RC3H1: variants seen among roughly 807,000 people sequenced by gnomAD.
RC3H1 encodes the protein roquin-1.
Under a neutral mutation model 138.2 loss-of-function variants are expected in RC3H1, and 50 were observed. The observed-to-expected ratio is 0.36, with a 90% confidence interval of 0.29 to 0.46. The LOEUF (loss-of-function observed/expected upper bound fraction) is 0.46. RC3H1 is among the 20% of genes least tolerant of loss of function. The pLI is 1.00. For synonymous variants in RC3H1, 462 were observed against 489.1 expected, an observed-to-expected ratio of 0.94 and a Z score of 0.73; for missense variants, 1,031 against 1,388.1, an observed-to-expected ratio of 0.74 and a Z score of 4.09.
intron 15 of RC3H1, 141 bp from the exon 16 acceptor site, chr1:173,946,977 AAC>A (rs1659164246): frequency 1.6e-6 from 1 of 639,026 alleles, no homozygotes; most frequent in African/African-American, 1.8e-5. Flanking sequence ...AAAATTCTTT[AAC>A]TTTGTTTTTC....
At chr1:173,966,510 G>C (rs1270676977) in intron 9 of RC3H1, among the ~76,000 whole-genome samples, 2 of 151,678 alleles carry the variant, frequency 1.3e-5, no homozygotes, top group Non-Finnish European at 1.5e-5. Flanking sequence ...GAGGTCAGGA[G>C]TCAAGACCAG....
In RC3H1 at chr1:173,964,164, A is replaced by T. The variant is rs1171866698; in HGVS notation, c.1640T>A (p.Ile547Asn). Residue 547 changes from isoleucine (I) to asparagine (N), a missense_variant, in exon 11 of 20, where the codon ATT (isoleucine) becomes AAT (asparagine). Ile to Asn is a moderately radical substitution (Grantham distance 149). Around this residue, in one of 7 missense-constraint regions of RC3H1, gnomAD observed 716 missense variants for 837.9 expected, o/e 0.85. Coordinates refer to ENST00000367696, the MANE Select transcript of RC3H1 (RefSeq NM_172071.4). ...PDLLESVPKS[I>N]SALPVNPHSI... ...ATGTGGATTCACAGGTAAGGCAGAA[A>T]TACTCTTAGGAACAGATTCTAGCCT... The T allele has an allele frequency of 6.2e-7, 1 of 1,613,876 alleles. No homozygotes were observed. The highest frequency in any genetic ancestry group is 8.5e-7 in the Non-Finnish European group (1 of 1,179,750).
chr1:173,971,880 G>T (rs188836001), intron 8 of RC3H1, among the ~76,000 whole-genome samples: 61 of 152,030 alleles, frequency 4.0e-4, no homozygotes, highest in African/African-American at 1.4e-3. Flanking sequence ...TACGTTCACA[G>T]GCTTACTACT....
In RC3H1 at chr1:173,993,129, A is replaced by C; in HGVS notation, c.-144T>G. On this transcript the variant is annotated 5_prime_UTR_variant, in exon 2 of 20. Coordinates refer to ENST00000367696, the MANE Select transcript of RC3H1 (RefSeq NM_172071.4). ...AGATACAGTCAGCACATAGTGTGAAATATAACCTGAAAATAAAGAAAAAGG... is the reference window on the plus strand; with the variant it reads ...AGATACAGTCAGCACATAGTGTGAACTATAACCTGAAAATAAAGAAAAAGG... The C allele has an allele frequency of 1.6e-6, 1 of 618,648 alleles. No individual in the cohort carries two copies. Among genetic ancestry groups the C allele is most frequent in the Non-Finnish European group, 2.8e-6 (1 of 353,518 alleles). 38.3% of individuals were successfully genotyped at this position (618,648 alleles called of 1,614,324 possible).
chr1:173,980,452 A>G (rs1234928663), intron 6 of RC3H1, among the ~76,000 whole-genome samples: 1 of 152,058 alleles, frequency 6.6e-6, no homozygotes, highest in Non-Finnish European at 1.5e-5. Flanking sequence ...GAATTATTTA[A>G]AACCACTAGA....
intron 13 of RC3H1, among the ~76,000 whole-genome samples, chr1:173,953,345 T>C (rs1659498736): frequency 6.6e-6 from 1 of 152,162 alleles, no homozygotes; most frequent in South Asian, 2.1e-4. Context: ...TGATCTCTGC[T>C]CACGCAACCT....
intron 13 of RC3H1, among the ~76,000 whole-genome samples, chr1:173,956,434 C>A (rs1159684329): frequency 6.6e-6 from 1 of 151,860 alleles, no homozygotes; most frequent in Admixed American, 6.6e-5. Context: ...CCAAGGCAGG[C>A]GGATCACCTG....
rs1225274383 is a variant in RC3H1 at position 173,935,279 on chromosome 1, C to G, written c.*3442G>C. 1 of 152,118 alleles carries G rather than the reference C, an allele frequency of 6.6e-6. No homozygotes were observed. Among genetic ancestry groups the G allele is most frequent in the Non-Finnish European group, 1.5e-5 (1 of 68,020 alleles). 9.4% of individuals were successfully genotyped at this position (152,118 alleles called of 1,614,324 possible). A position where few individuals can be genotyped will look rare whatever the true frequency, so the allele number is the denominator to read the frequency against. On this transcript the variant is annotated 3_prime_UTR_variant, in exon 20 of 20. Coordinates refer to ENST00000367696, the MANE Select transcript of RC3H1 (RefSeq NM_172071.4). ...GCTACATATAAACCAGAAATGGAAT[C>G]TAGATGTCTTATTCTCAGTTCTTCT...
chr1:173,939,947 GA>G (rs1658773421), intron 19 of RC3H1, among the ~76,000 whole-genome samples: 2 of 152,066 alleles, frequency 1.3e-5, no homozygotes, highest in Admixed American at 1.3e-4. Flanking sequence ...GGCAACTTAG[GA>G]CTATGCATTC....
intron 1 of RC3H1, among the ~76,000 whole-genome samples, chr1:174,020,971 T>C (rs1396322307): frequency 6.6e-6 from 1 of 152,200 alleles, no homozygotes; most frequent in Non-Finnish European, 1.5e-5. Context: ...ATTGTGCCAC[T>C]GCAATCCAGC....
At chr1:173,974,277 CAAAAAAAAAAA>C (rs571801899) in intron 7 of RC3H1, among the ~76,000 whole-genome samples, 7 of 47,206 alleles carry the variant, frequency 1.5e-4, no homozygotes, top group South Asian at 9.8e-4. Context: ...GAGACTGTCT[CAAAAAAAAAAA>C]AAAAAAAAAA....
intron 19 of RC3H1, among the ~76,000 whole-genome samples, chr1:173,940,586 C>T (rs999908408): frequency 3.3e-5 from 5 of 151,932 alleles, no homozygotes; most frequent in Admixed American, 6.6e-5. Flanking sequence ...TTTCCATTTC[C>T]TAAAGCTAAT....
intron 9 of RC3H1, among the ~76,000 whole-genome samples, chr1:173,966,171 C>T (rs1660107358): frequency 6.6e-6 from 1 of 151,998 alleles, no homozygotes; most frequent in Non-Finnish European, 1.5e-5. Flanking sequence ...AGGATAGTGA[C>T]TTTTATTAGA....
intron 19 of RC3H1, among the ~76,000 whole-genome samples, chr1:173,939,478 C>T (rs1340459881): frequency 1.4e-5 from 2 of 142,330 alleles, no homozygotes; most frequent in South Asian, 2.2e-4. Flanking sequence ...TTTCACTGAG[C>T]CAAGATCGCA....
chr1:173,932,648 A>T lies in RC3H1; in HGVS notation c.*6073T>A, dbSNP rs1242115416. 1 of 152,160 alleles carries T rather than the reference A, an allele frequency of 6.6e-6. No homozygotes were observed. The highest frequency in any genetic ancestry group is 1.5e-5 in the Non-Finnish European group (1 of 67,982). 9.4% of individuals were successfully genotyped at this position (152,160 alleles called of 1,614,324 possible). On this transcript the variant is annotated 3_prime_UTR_variant, in exon 20 of 20. Transcript: ENST00000367696. ...ATCTGGAAAAAATAACTCTCAAGAC[A>T]GTGTCTTAGTTGAATAGAGGATGTA...
intron 8 of RC3H1, among the ~76,000 whole-genome samples, chr1:173,971,971 C>T (rs915103134): frequency 1.8e-4 from 28 of 152,046 alleles, no homozygotes; most frequent in Admixed American, 2.0e-4. Flanking sequence ...AAAACTCTAG[C>T]TATAAGAAGT....
intron 2 of RC3H1, among the ~76,000 whole-genome samples, chr1:173,988,186 A>G (rs1021391224): frequency 1.3e-5 from 2 of 152,206 alleles, no homozygotes; most frequent in African/African-American, 4.8e-5. Context: ...AGAATCATAA[A>G]GAACTGTTTT....
intron 6 of RC3H1, among the ~76,000 whole-genome samples, chr1:173,980,118 T>TA: frequency 6.7e-6 from 1 of 149,422 alleles, no homozygotes; most frequent in East Asian, 2.0e-4. Context: ...CCTCAAGCAA[T>TA]CCCCCCACCT....
intron 18 of RC3H1, among the ~76,000 whole-genome samples, chr1:173,942,892 C>A (rs1042875748): frequency 1.3e-5 from 2 of 151,832 alleles, no homozygotes; most frequent in African/African-American, 4.8e-5. Flanking sequence ...CCTGAGGAAG[C>A]CCCTAAGATT....
Sources: allele counts gnomAD v4.1 joint callset (sites outside exome capture counted in the v4.1 genomes callset), GRCh38; gene constraint gnomAD v4.1.1; regional missense constraint gnomAD v4.1.1; transcripts MANE v1.5; gene names NCBI Gene and HGNC (gene_info 2026-07-23, HGNC 2026-07-21).